The following TPRG1 variants were observed in gnomAD, a reference collection of about 807,000 sequenced individuals.
TPRG1 encodes the protein tumor protein p63-regulated gene 1 protein.
Under a neutral mutation model 29.3 loss-of-function variants are expected in TPRG1, and 29 were observed. That is an observed-to-expected ratio of 0.99 (90% CI 0.74 to 1.35). The LOEUF is 1.35. TPRG1 is among the 40% of genes most tolerant of loss of function. The pLI, the probability that TPRG1 is intolerant of heterozygous loss-of-function variation, is 0.00. For synonymous variants in TPRG1, 130 were observed against 116.8 expected, an observed-to-expected ratio of 1.11 and a Z score of -0.73; for missense variants, 327 against 335.0, an observed-to-expected ratio of 0.98 and a Z score of 0.19.
intron 1 of TPRG1, among the ~76,000 whole-genome samples, chr3:189,186,459 T>G (rs1578720120): frequency 6.6e-6 from 1 of 152,218 alleles, no homozygotes. Flanking sequence ...ACCTAGTAAC[T>G]TGTTTTTTCT....
intron 3 of TPRG1, among the ~76,000 whole-genome samples, chr3:189,227,574 CTTT>C (rs1737951184): frequency 6.6e-6 from 1 of 152,170 alleles, no homozygotes; most frequent in Non-Finnish European, 1.5e-5. Context: ...AGAGAAGCTT[CTTT>C]ATCTGCTGTT....
intron 4 of TPRG1, among the ~76,000 whole-genome samples, chr3:189,292,370 A>T (rs1212001142): frequency 6.6e-6 from 1 of 150,852 alleles, no homozygotes; most frequent in African/African-American, 2.4e-5. Context: ...AAAAATAGTA[A>T]TTACATTAGG....
chr3:189,088,968 A>ATATCTATCTATCTATC (rs36139441), intron 4 of TPRG1, among the ~76,000 whole-genome samples: 2 of 148,882 alleles, frequency 1.3e-5, no homozygotes, highest in African/African-American at 2.5e-5. Context: ...GTATCTATTG[A>ATATCTATCTATCTATC]TATCTATCTA....
At chr3:189,001,641 T>C (rs1453451091) in intron 2 of TPRG1, among the ~76,000 whole-genome samples, 2 of 152,144 alleles carry the variant, frequency 1.3e-5, no homozygotes, top group Non-Finnish European at 2.9e-5. Flanking sequence ...CATATAGATT[T>C]TGAGGGACAC....
intron 1 of TPRG1, among the ~76,000 whole-genome samples, chr3:189,116,973 AT>A (rs1721252182): frequency 1.3e-5 from 2 of 151,792 alleles, no homozygotes; most frequent in South Asian, 4.1e-4. Context: ...ATAATAAAAA[AT>A]ACTAAAAAAA....
chr3:189,058,684 G>A (rs1018654627), intron 4 of TPRG1, among the ~76,000 whole-genome samples: 33 of 152,312 alleles, frequency 2.2e-4, no homozygotes, highest in Non-Finnish European at 1.9e-4. Flanking sequence ...TAAAGCTGAT[G>A]CTTCCTTAGG....
intron 4 of TPRG1, among the ~76,000 whole-genome samples, chr3:189,248,846 A>C (rs1177617981): frequency 6.6e-6 from 1 of 150,800 alleles, no homozygotes. Context: ...TTAAATTGCC[A>C]ATTTTTTTTT....
intron 5 of TPRG1, among the ~76,000 whole-genome samples, chr3:189,154,354 G>A (rs758614028): frequency 3.3e-5 from 5 of 152,090 alleles, no homozygotes; most frequent in Non-Finnish European, 7.4e-5. Flanking sequence ...ATTATTTGTC[G>A]AGTGTCTGCT....
At chr3:189,106,828 C>G (rs568868947) in intron 1 of TPRG1, among the ~76,000 whole-genome samples, 1 of 151,932 alleles carries the variant, frequency 6.6e-6, no homozygotes, top group African/African-American at 2.4e-5. Context: ...ATCTGATGAA[C>G]CTAGGGCCCA....
At chr3:189,001,723 C>T (rs1712028819) in intron 2 of TPRG1, among the ~76,000 whole-genome samples, 1 of 151,930 alleles carries the variant, frequency 6.6e-6, no homozygotes, top group Admixed American at 6.6e-5. Flanking sequence ...TGACTCACTT[C>T]CTTGGCTCAA....
At chr3:189,245,331 T>A (rs1741216637) in intron 4 of TPRG1, among the ~76,000 whole-genome samples, 1 of 152,194 alleles carries the variant, frequency 6.6e-6, no homozygotes, top group Non-Finnish European at 1.5e-5. Context: ...ACTTTCCTAA[T>A]ATGAACATCT....
At chr3:189,115,920 C>T (rs1247279506) in intron 1 of TPRG1, among the ~76,000 whole-genome samples, 1 of 151,906 alleles carries the variant, frequency 6.6e-6, no homozygotes, top group African/African-American at 2.4e-5. Context: ...AAATGTAAAT[C>T]GAAAACACAA....
At chr3:189,182,540 A>G (rs1730365121) in intron 1 of TPRG1, among the ~76,000 whole-genome samples, 1 of 152,200 alleles carries the variant, frequency 6.6e-6, no homozygotes, top group African/African-American at 2.4e-5. Context: ...TAGATATACC[A>G]TTAGGTTGGG....
chr3:189,261,330 G>A (rs1474631326), intron 4 of TPRG1, among the ~76,000 whole-genome samples: 1 of 151,894 alleles, frequency 6.6e-6, no homozygotes, highest in Admixed American at 6.6e-5. Flanking sequence ...TTTTTCCAAA[G>A]TCAGTGGAGG....
chr3:189,169,456 G>A (rs1174076113), upstream of TPRG1, among the ~76,000 whole-genome samples: 1 of 152,138 alleles, frequency 6.6e-6, no homozygotes, highest in African/African-American at 2.4e-5. Flanking sequence ...TGAGCCACCA[G>A]GCCCGGCCTG....
chr3:189,093,498 G>T (rs891794954), intron 4 of TPRG1, among the ~76,000 whole-genome samples: 8 of 152,302 alleles, frequency 5.3e-5, no homozygotes, highest in African/African-American at 1.9e-4. Flanking sequence ...TTGTTTCTGT[G>T]AGCTGAATGA....
In TPRG1 at chr3:189,322,429, C is replaced by G. The variant is rs1331006581; in HGVS notation, c.*1609C>G. ...TACAGCACCCACTTTTTCTTCCCCC[C>G]ATGATGGCAAATATTGTTATAGTCC... is the stretch of plus-strand genomic sequence containing the variant. On this transcript the variant is annotated 3_prime_UTR_variant, in exon 6 of 6. Coordinates refer to ENST00000345063, the MANE Select transcript of TPRG1 (RefSeq NM_198485.4). 3 of 152,422 alleles carry G rather than the reference C, an allele frequency of 2.0e-5. No homozygotes were observed. The highest frequency in any genetic ancestry group is 2.9e-5 in the Non-Finnish European group (2 of 67,984). 9.4% of individuals were successfully genotyped at this position (152,422 alleles called of 1,614,324 possible). A position where few individuals can be genotyped will look rare whatever the true frequency, so the allele number is the denominator to read the frequency against.
At chr3:189,168,068 A>G (rs955047170), upstream of TPRG1, among the ~76,000 whole-genome samples, 9 of 152,204 alleles carry the variant, frequency 5.9e-5, no homozygotes, top group African/African-American at 2.2e-4. Context: ...ACTTGGAAAT[A>G]AGAGTGAGAT....
intron 4 of TPRG1, among the ~76,000 whole-genome samples, chr3:189,246,006 T>G (rs1372699563): frequency 6.6e-6 from 1 of 152,208 alleles, no homozygotes; most frequent in African/African-American, 2.4e-5. Context: ...ACTGTTTGTA[T>G]AGTGATATGA....
Sources: allele counts gnomAD v4.1 joint callset (sites outside exome capture counted in the v4.1 genomes callset), GRCh38; gene constraint gnomAD v4.1.1; transcripts MANE v1.5; gene names NCBI Gene and HGNC (gene_info 2026-07-23, HGNC 2026-07-21).